SS18: variants seen among roughly 807,000 people sequenced by gnomAD.
SS18 encodes SS18 subunit of BAF chromatin remodeling complex.
In SS18, 28 loss-of-function variants were observed where a neutral mutation model predicts 72.5. The ratio of observed to expected loss-of-function variants is 0.39; its 90% CI spans 0.29 to 0.53. SS18 has a LOEUF of 0.53. Among genes scored for constraint, SS18 ranks in the 20% least tolerant of loss-of-function variants. The pLI, the probability that SS18 is intolerant of heterozygous loss-of-function variation, is 0.76. For synonymous variants in SS18, 172 were observed against 164.2 expected, an observed-to-expected ratio of 1.05 and a Z score of -0.37; for missense variants, 518 against 535.3, an observed-to-expected ratio of 0.97 and a Z score of 0.32.
intron 7 of SS18, among the ~76,000 whole-genome samples, chr18:26,038,167 G>C (rs1347622325): frequency 6.6e-6 from 1 of 152,030 alleles, no homozygotes. Flanking sequence ...CTATGTATTT[G>C]TACAATTAAT....
At chr18:26,020,054 G>A (rs1002222004) in intron 10 of SS18, among the ~76,000 whole-genome samples, 10 of 152,176 alleles carry the variant, frequency 6.6e-5, no homozygotes, top group African/African-American at 2.4e-4. Context: ...TTTTCTATAT[G>A]TGTTTAAAAT....
At chr18:26,088,691 AGTTT>A (rs1568037750) in intron 1 of SS18, among the ~76,000 whole-genome samples, 11 of 152,186 alleles carry the variant, frequency 7.2e-5, no homozygotes, top group Non-Finnish European at 8.8e-5. Context: ...AAGTCACTTA[AGTTT>A]TCAGGGGCTG....
intron 2 of SS18, among the ~76,000 whole-genome samples, chr18:26,081,024 G>A (rs372550684): frequency 6.8e-6 from 1 of 146,248 alleles, no homozygotes; most frequent in Non-Finnish European, 1.5e-5. Context: ...GTATAAGGAG[G>A]TAGGTAAAAA....
At position 26,032,532 on chromosome 18, in the gene SS18, C is replaced by G. The variant is rs1165389238; in HGVS notation, c.1097G>C (p.Gly366Ala). Reference sequence around the variant, plus strand: ...AGGACCTGGACCACCCTGTGAAGGACCTGAAAATAATGTACACAACAAAAA... The same window carrying G: ...AGGACCTGGACCACCCTGTGAAGGAGCTGAAAATAATGTACACAACAAAAA... Reference protein sequence around the residue: ...QGYPGQQQGYGPSQGGPGPQY... With the variant: ...QGYPGQQQGYAPSQGGPGPQY... Residue 366 changes from glycine to alanine, a missense_variant and splice_region_variant, in exon 10 of 11, where the codon GGT becomes GCT. Physicochemically the swap from Gly to Ala is moderately conservative, Grantham distance 60. Transcript: ENST00000415083. 1 of 1,612,930 alleles carries G rather than the reference C, an allele frequency of 6.2e-7. No homozygotes were observed. The highest frequency in any genetic ancestry group is 1.7e-5 in the Admixed American group (1 of 59,824).
chr18:26,082,537 CA>C (rs1244491644), intron 2 of SS18: 4 of 983,618 alleles, frequency 4.1e-6, no homozygotes, highest in South Asian at 9.4e-5. Context: ...CCCTAAAATG[CA>C]AAAAATAAGA....
chr18:26,028,785 C>G (rs1278501070), intron 10 of SS18, among the ~76,000 whole-genome samples: 1 of 152,096 alleles, frequency 6.6e-6, no homozygotes, highest in Non-Finnish European at 1.5e-5. Context: ...CAAAGGGGCA[C>G]AGGGAAAACT....
chr18:26,047,383 C>T (rs1016787424), intron 5 of SS18, among the ~76,000 whole-genome samples: 2 of 151,480 alleles, frequency 1.3e-5, no homozygotes, highest in Non-Finnish European at 1.5e-5. Flanking sequence ...GTCTAATAAG[C>T]ATGCTGAACC....
chr18:26,080,959 C>T (rs922487059), intron 2 of SS18, among the ~76,000 whole-genome samples: 1 of 152,062 alleles, frequency 6.6e-6, no homozygotes, highest in Non-Finnish European at 1.5e-5. Context: ...ATTTAATCCA[C>T]AGAACTCATT....
chr18:26,070,288 T>C (rs757634303), intron 3 of SS18, among the ~76,000 whole-genome samples: 4 of 152,234 alleles, frequency 2.6e-5, no homozygotes, highest in Non-Finnish European at 5.9e-5. Context: ...CCTATCTATC[T>C]ACACTAAATG....
intron 3 of SS18, among the ~76,000 whole-genome samples, chr18:26,070,074 G>A (rs1598597114): frequency 6.6e-6 from 1 of 152,086 alleles, no homozygotes; most frequent in East Asian, 1.9e-4. Context: ...TGGGGGTAAT[G>A]GGTACACTAA....
intron 5 of SS18, among the ~76,000 whole-genome samples, chr18:26,042,271 T>G (rs1323631821): frequency 6.6e-6 from 1 of 152,198 alleles, no homozygotes; most frequent in Non-Finnish European, 1.5e-5. Flanking sequence ...CTACAACCAT[T>G]TTCTGCAAAC....
chr18:26,026,363 G>C (rs186230530), intron 10 of SS18, among the ~76,000 whole-genome samples: 101 of 152,212 alleles, frequency 6.6e-4, no homozygotes, highest in Non-Finnish European at 1.4e-3. Flanking sequence ...CTCAAACAAT[G>C]TAATTCAAAA....
At chr18:26,075,089 A>G (rs1448355129) in intron 3 of SS18, among the ~76,000 whole-genome samples, 2 of 151,962 alleles carry the variant, frequency 1.3e-5, no homozygotes, top group Non-Finnish European at 2.9e-5. Context: ...GTAAATAAAA[A>G]CTTCCTTGCA....
intron 3 of SS18, among the ~76,000 whole-genome samples, chr18:26,074,804 G>A (rs1345544170): frequency 6.6e-6 from 1 of 151,680 alleles, no homozygotes; most frequent in African/African-American, 2.4e-5. Context: ...AAAACCAAAA[G>A]TTGATTCTTT....
intron 5 of SS18, among the ~76,000 whole-genome samples, chr18:26,049,119 C>A (rs1284939781): frequency 6.6e-6 from 1 of 152,138 alleles, no homozygotes; most frequent in Non-Finnish European, 1.5e-5. Context: ...TTGTAAAATT[C>A]TTTATATTTG....
intron 10 of SS18, among the ~76,000 whole-genome samples, chr18:26,022,630 T>G (rs1209480644): frequency 6.6e-6 from 1 of 152,150 alleles, no homozygotes; most frequent in East Asian, 1.9e-4. Flanking sequence ...TGCCAGATGT[T>G]CTGACTTAAG....
intron 5 of SS18, among the ~76,000 whole-genome samples, chr18:26,050,873 C>A (rs1787101909): frequency 2.0e-5 from 3 of 152,072 alleles, no homozygotes; most frequent in Admixed American, 2.0e-4. Context: ...TGTGCCACTG[C>A]ACTCCAGCCT....
chr18:26,017,955 A>C lies in SS18; in HGVS notation c.*399T>G. 1 of 242,960 alleles carries C rather than the reference A, an allele frequency of 4.1e-6. No homozygotes were observed. Among genetic ancestry groups the C allele is most frequent in the Non-Finnish European group, 8.1e-6 (1 of 124,188 alleles). 15.1% of individuals were successfully genotyped at this position (242,960 alleles called of 1,614,324 possible). On this transcript the variant is annotated 3_prime_UTR_variant, in exon 11 of 11. Transcript: ENST00000415083. ...TAATATACAAAATATTGCTGCTGTA[A>C]AAAGTGTACATTTCCCTCTTCCCCT...
chr18:26,050,776 G>A (rs2053908387), intron 5 of SS18, among the ~76,000 whole-genome samples: 1 of 152,086 alleles, frequency 6.6e-6, no homozygotes, highest in African/African-American at 2.4e-5. Flanking sequence ...GGGCGTAGTG[G>A]TGGGTGCCTG....
Sources: allele counts gnomAD v4.1 joint callset (sites outside exome capture counted in the v4.1 genomes callset), GRCh38; gene constraint gnomAD v4.1.1; transcripts MANE v1.5; gene names NCBI Gene and HGNC (gene_info 2026-07-23, HGNC 2026-07-21).